ITGA2: variants seen among roughly 807,000 people sequenced by gnomAD.
The protein encoded by ITGA2 is integrin alpha-2.
Under a neutral mutation model 146.3 loss-of-function variants are expected in ITGA2, and 101 were observed. The observed-to-expected ratio is 0.69, with a 90% CI of 0.59 to 0.81. The LOEUF (loss-of-function observed/expected upper bound fraction) is 0.81. ITGA2 is among the 40% of genes least tolerant of loss of function. The pLI is 0.00. For synonymous variants in ITGA2, 477 were observed against 487.1 expected, an observed-to-expected ratio of 0.98 and a Z score of 0.27; for missense variants, 1,281 against 1,402.7, an observed-to-expected ratio of 0.91 and a Z score of 1.39.
At chr5:53,090,107 A>G (rs369086066) in intron 29 of ITGA2, 45 bp downstream of exon 29, 374 of 1,162,910 alleles carry the variant, frequency 3.2e-4, no homozygotes, top group Admixed American at 4.2e-4. Context: ...CCTGAAGGCC[A>G]GCCTTGAATT....
chr5:53,062,685 A>G, intron 12 of ITGA2, 101 bp from the exon 13 acceptor site: 6 of 1,287,764 alleles, frequency 4.7e-6, no homozygotes, highest in Non-Finnish European at 5.6e-6. Context: ...AATAGTAAAC[A>G]CTCAATTTTT....
intron 3 of ITGA2, 49 bp downstream of exon 3, chr5:53,042,270 T>C: frequency 8.9e-7 from 1 of 1,118,648 alleles, no homozygotes; most frequent in Non-Finnish European, 1.4e-6. Context: ...TAGACTCAAC[T>C]GAAAAATAAC....
At chr5:53,060,094 C>T (rs1744832514) in intron 11 of ITGA2, 82 bp downstream of exon 11, 2 of 1,387,330 alleles carry the variant, frequency 1.4e-6, no homozygotes, top group African/African-American at 1.4e-5. Flanking sequence ...AGGGTGAGTT[C>T]AGCAAAATCC....
In ITGA2 at chr5:53,049,756, A is replaced by G. The variant is rs374227877; in HGVS notation, c.630+986A>G. 3.7e-4 allele frequency among the ~76,000 whole-genome samples: 57 copies of G among 152,122 alleles called. No individual in the cohort carries two copies. In the South Asian group the frequency reaches 0.01, roughly 27 times the overall value. Reference sequence around the variant, plus strand: ...CCTGAGCCATTCTGGTTGTAGCAGTATACTGAACCAGTGTCAACCCGGACC... The same window carrying G: ...CCTGAGCCATTCTGGTTGTAGCAGTGTACTGAACCAGTGTCAACCCGGACC... On this transcript the variant is annotated intron_variant, in intron 6 of 29. Coordinates refer to ENST00000296585, the MANE Select transcript of ITGA2 (RefSeq NM_002203.4).
chr5:53,056,001 C>A lies in ITGA2; in HGVS notation c.948C>A (p.Asn316Lys). 6.2e-7 allele frequency: 1 copy of A among 1,609,360 alleles called. No individual in the cohort carries two copies. Among genetic ancestry groups the A allele is most frequent in the South Asian group, 1.1e-5 (1 of 90,566 alleles). The stretch of plus-strand genomic sequence containing the variant: ...TTTTCAAGGTTCTTGGGTACTTAAA[C>A]AGAAACGCCCTTGATACTAAAAATT... ...RFGIAVLGYL[N>K]RNALDTKNLI... Residue 316 changes from asparagine (N) to lysine (K), a missense_variant, in exon 9 of 30, where the codon AAC (asparagine) becomes AAA (lysine). Asn to Lys is a moderately conservative substitution (Grantham distance 94). This residue lies in a region of ITGA2 where 795 missense variants were observed against 841.7 expected (regional missense o/e 0.94). Transcript: ENST00000296585.
chr5:52,998,857 C>T (rs902728801), intron 1 of ITGA2, among the ~76,000 whole-genome samples: 5 of 152,190 alleles, frequency 3.3e-5, no homozygotes, highest in African/African-American at 4.8e-5. Context: ...TAAAGACACA[C>T]TTTCTGAATG....
intron 1 of ITGA2, among the ~76,000 whole-genome samples, chr5:52,998,775 G>C (rs1201438032): frequency 6.6e-6 from 1 of 152,176 alleles, no homozygotes; most frequent in Non-Finnish European, 1.5e-5. Flanking sequence ...CTTGTATCAA[G>C]GGTTCTTGGC....
chr5:53,084,925 T>A (rs1050240496), intron 27 of ITGA2, among the ~76,000 whole-genome samples: 1 of 152,218 alleles, frequency 6.6e-6, no homozygotes, highest in African/African-American at 2.4e-5. Flanking sequence ...AGAAGCAGTT[T>A]ATTTCTGGGA....
At chr5:53,052,977 T>G (rs1301497962) in intron 7 of ITGA2, among the ~76,000 whole-genome samples, 2 of 152,078 alleles carry the variant, frequency 1.3e-5, no homozygotes, top group African/African-American at 4.8e-5. Context: ...TTATTTGGAG[T>G]GTTGGCTCAC....
At position 53,078,818 on chromosome 5, in the gene ITGA2, C is replaced by A; in HGVS notation, c.2872C>A (p.Pro958Thr). 1 of 1,611,848 alleles carries A rather than the reference C, an allele frequency of 6.2e-7. No individual in the cohort carries two copies. The highest frequency in any genetic ancestry group is 1.1e-5 in the South Asian group (1 of 90,992). Residue 958 changes from proline to threonine, a missense_variant, in exon 24 of 30, where the codon CCT (proline) becomes ACT (threonine). Coordinates refer to ENST00000296585, the MANE Select transcript of ITGA2 (RefSeq NM_002203.4). ...TGAAATCTCTTCGGATGGGAATGTT[C>A]CTTCAATCGTGCACAGTTTTGAAGA... ...FYEISSDGNVPSIVHSFEDVG... is the reference protein window; with the variant it reads ...FYEISSDGNVTSIVHSFEDVG...
intron 1 of ITGA2, among the ~76,000 whole-genome samples, chr5:53,010,988 A>T (rs757426119): frequency 3.3e-5 from 5 of 152,116 alleles, no homozygotes; most frequent in Non-Finnish European, 5.9e-5. Flanking sequence ...AGTGATGCAG[A>T]CACAAGTTAA....
Position 53,093,752 on chromosome 5 carries a change from T to C in ITGA2, c.*3153T>C, listed in dbSNP as rs529328662. 6.5e-6 allele frequency: 1 copy of C among 152,690 alleles called. No homozygotes were observed. The highest frequency in any genetic ancestry group is 2.4e-5 in the African/African-American group (1 of 41,580). 9.5% of individuals were successfully genotyped at this position (152,690 alleles called of 1,614,324 possible). ...AAAAGATGTCATATTCAAATTTCCA[T>C]TTCATAAATGGTGTACAGACAAGGT... On this transcript the variant is annotated 3_prime_UTR_variant, in exon 30 of 30. Coordinates refer to ENST00000296585, the MANE Select transcript of ITGA2 (RefSeq NM_002203.4).
At chr5:53,009,518 T>A (rs1742019311) in intron 1 of ITGA2, among the ~76,000 whole-genome samples, 1 of 152,162 alleles carries the variant, frequency 6.6e-6, no homozygotes, top group Non-Finnish European at 1.5e-5. Flanking sequence ...CTTGGATATT[T>A]AGCTGAGCAA....
chr5:53,037,606 A>T, intron 2 of ITGA2, among the ~76,000 whole-genome samples: 1 of 152,156 alleles, frequency 6.6e-6, no homozygotes. Flanking sequence ...TCTTCTTATG[A>T]GGGTGAGTTG....
At position 53,075,234 on chromosome 5, in the gene ITGA2, G is replaced by A. The variant is rs758465983; in HGVS notation, c.2755G>A (p.Glu919Lys). The A allele has an allele frequency of 6.8e-6, 11 of 1,612,424 alleles. No homozygotes were observed. The highest frequency in any genetic ancestry group is 9.3e-6 in the Non-Finnish European group (11 of 1,179,150). Residue 919 changes from glutamate (E) to lysine (K), a missense_variant, in exon 23 of 30, where the codon GAA becomes AAA. By Grantham distance (56) the Glu-to-Lys change is moderately conservative. Coordinates refer to ENST00000296585, the MANE Select transcript of ITGA2 (RefSeq NM_002203.4). ...TTCTTTCTATAGTGAAAGCCAAGAA[G>A]AAAACAAGGCTGATAATTTGGTCAA... ...SFQALSESQE[E>K]NKADNLVNLK...
At position 53,083,020 on chromosome 5, in the gene ITGA2, GT is replaced by G. The variant is rs3212625; in HGVS notation, c.3145-313del. Among the ~76,000 whole-genome samples the G allele has an allele frequency of 0.35, 52,916 of 151,848 alleles. 9,334 individuals are homozygous for G. The highest frequency in any genetic ancestry group is 0.41 in the Admixed American group (6,285 of 15,256). ...AGTTTTGGGGGGGGTTGGTTTTTAG[GT>G]TTTTTTACTCTTAGAAATAGTAGTG... On this transcript the variant is annotated intron_variant, in intron 26 of 29. Transcript: ENST00000296585.
intron 16 of ITGA2, 119 bp from the exon 17 acceptor site, chr5:53,069,990 A>T (rs1439641708): frequency 4.8e-5 from 38 of 790,004 alleles, no homozygotes; most frequent in Non-Finnish European, 3.4e-5. Context: ...CAATATGAAG[A>T]CTATTTCCAT....
chr5:53,069,845 G>A (rs1745308039), intron 16 of ITGA2, among the ~76,000 whole-genome samples: 1 of 151,798 alleles, frequency 6.6e-6, no homozygotes, highest in African/African-American at 2.4e-5. Flanking sequence ...TTTCCTGGCG[G>A]CAAGTCTAGT....
chr5:53,045,206 TA>T (rs1177212050), intron 4 of ITGA2, 114 bp downstream of exon 4: 1 of 801,428 alleles, frequency 1.2e-6, no homozygotes. Flanking sequence ...TGCTTTTTGA[TA>T]AATTATGCTA....
Sources: gnomAD v4.1 joint callset for allele counts (sites outside exome capture counted in the v4.1 genomes callset) on GRCh38, gnomAD v4.1.1 for gene constraint, gnomAD v4.1.1 regional missense constraint, MANE v1.5 for transcripts, NCBI Gene and HGNC (gene_info 2026-07-23, HGNC 2026-07-21) for gene names.